RBMS3: variants seen among roughly 807,000 people sequenced by gnomAD.
The protein encoded by RBMS3 is RNA binding motif single stranded interacting protein 3.
A neutral mutation model predicts 66.8 loss-of-function variants in RBMS3; 27 were observed. The ratio of observed to expected loss-of-function variants is 0.40; its 90% CI spans 0.30 to 0.56. The LOEUF (loss-of-function observed/expected upper bound fraction) is 0.56. Among genes scored for constraint, RBMS3 ranks in the 20% least tolerant of loss-of-function variants. The pLI is 0.40. For synonymous variants in RBMS3, 188 were observed against 183.0 expected (o/e 1.03, Z -0.22); for missense variants, 513 against 549.5 (o/e 0.93, Z 0.66).
At chr3:29,987,986 C>G (rs1698546089) in intron 12 of RBMS3, 157 bp from the exon 13 acceptor site, 2 of 593,196 alleles carry the variant, frequency 3.4e-6, no homozygotes, top group Admixed American at 5.8e-5. Flanking sequence ...CCTTTCAATA[C>G]AGAGAGGAGC....
intron 1 of RBMS3, among the ~76,000 whole-genome samples, chr3:29,403,014 A>T (rs905389013): frequency 6.6e-6 from 1 of 152,030 alleles, no homozygotes; most frequent in Non-Finnish European, 1.5e-5. Flanking sequence ...CTGAAAAAAA[A>T]AAGTATAAGA....
chr3:29,712,800 C>T (rs192208720), intron 4 of RBMS3, among the ~76,000 whole-genome samples: 1 of 152,282 alleles, frequency 6.6e-6, no homozygotes, highest in African/African-American at 2.4e-5. Context: ...GTTCAAACTT[C>T]AGACTCTGAG....
At chr3:29,904,348 T>G (rs1470102603) in intron 10 of RBMS3, among the ~76,000 whole-genome samples, 1 of 151,994 alleles carries the variant, frequency 6.6e-6, no homozygotes, top group Admixed American at 6.6e-5. Flanking sequence ...TATATGCATA[T>G]GAAATTATAT....
intron 2 of RBMS3, among the ~76,000 whole-genome samples, chr3:29,437,712 C>G (rs1313042166): frequency 6.6e-6 from 1 of 152,186 alleles, no homozygotes; most frequent in East Asian, 1.9e-4. Context: ...CTTGGCTATG[C>G]TATCAACTGA....
intron 3 of RBMS3, among the ~76,000 whole-genome samples, chr3:29,515,115 G>C (rs1056424719): frequency 2.6e-5 from 4 of 152,140 alleles, no homozygotes; most frequent in African/African-American, 9.7e-5. Flanking sequence ...AAAGAATGAG[G>C]AAGTGGTCAA....
intron 3 of RBMS3, among the ~76,000 whole-genome samples, chr3:29,567,754 AT>A (rs945416337): frequency 3.1e-4 from 47 of 152,114 alleles, no homozygotes; most frequent in African/African-American, 5.5e-4. Flanking sequence ...TCTCTGTGCA[AT>A]TTTTGGTGTT....
At chr3:29,831,237 A>G (rs1288540366) in intron 6 of RBMS3, among the ~76,000 whole-genome samples, 10 of 152,164 alleles carry the variant, frequency 6.6e-5, no homozygotes, top group Admixed American at 2.0e-4. Flanking sequence ...ATGAATGAGT[A>G]TATTTGTTTG....
chr3:29,805,489 G>T (rs979173707), intron 6 of RBMS3, among the ~76,000 whole-genome samples: 1 of 152,036 alleles, frequency 6.6e-6, no homozygotes, highest in Non-Finnish European at 1.5e-5. Flanking sequence ...TATCATAGGA[G>T]ATGACAGCTC....
intron 6 of RBMS3, among the ~76,000 whole-genome samples, chr3:29,813,229 T>C (rs565302627): frequency 2.1e-4 from 32 of 152,210 alleles, no homozygotes; most frequent in Admixed American, 1.8e-3. Flanking sequence ...CAATATTTTA[T>C]GGGTCATCAT....
rs935718905 is a variant in RBMS3, at chr3:29,532,244, A to G, written c.307+43745A>G. ...AGTCTTATTTTAATTTCGCATATATATGTATATATATATATATGTATATAT... is the reference window on the plus strand; with the variant it reads ...AGTCTTATTTTAATTTCGCATATATGTGTATATATATATATATGTATATAT... On this transcript the variant is annotated intron_variant, in intron 3 of 14. Transcript: ENST00000383767. Among the ~76,000 whole-genome samples, 3 of 114,740 alleles carry G rather than the reference A, an allele frequency of 2.6e-5. No individual in the cohort carries two copies. In the Admixed American group the frequency reaches 2.9e-4, roughly 11 times the overall value. 75.3% of individuals were successfully genotyped at this position (114,740 alleles called of 152,430 possible). A position where few individuals can be genotyped will look rare whatever the true frequency, so the allele number is the denominator to read the frequency against.
chr3:29,557,601 A>G (rs1214670969), intron 3 of RBMS3, among the ~76,000 whole-genome samples: 2 of 152,218 alleles, frequency 1.3e-5, no homozygotes, highest in Non-Finnish European at 2.9e-5. Flanking sequence ...ACTGTTCAGG[A>G]TACTCACACA....
At chr3:29,557,820 A>G (rs1431297686) in intron 3 of RBMS3, among the ~76,000 whole-genome samples, 1 of 152,246 alleles carries the variant, frequency 6.6e-6, no homozygotes, top group African/African-American at 2.4e-5. Context: ...AAAGCCATCC[A>G]GTAGCAAAAA....
At chr3:29,504,510 G>A (rs1482406548) in intron 3 of RBMS3, among the ~76,000 whole-genome samples, 4 of 151,992 alleles carry the variant, frequency 2.6e-5, no homozygotes, top group African/African-American at 9.7e-5. Context: ...TCTGAAGGTA[G>A]ATTCCATTTC....
intron 3 of RBMS3, among the ~76,000 whole-genome samples, chr3:29,524,053 A>G (rs938446038): frequency 1.3e-5 from 2 of 151,848 alleles, no homozygotes; most frequent in African/African-American, 4.8e-5. Flanking sequence ...TCTCTTTTAA[A>G]TGCCCAGTAC....
At chr3:29,569,084 A>C (rs2046844833) in intron 3 of RBMS3, among the ~76,000 whole-genome samples, 2 of 152,138 alleles carry the variant, frequency 1.3e-5, no homozygotes, top group South Asian at 4.1e-4. Context: ...GCTTTTCCAC[A>C]GCTCACATCT....
chr3:29,915,565 CA>C (rs1348193440), intron 10 of RBMS3, among the ~76,000 whole-genome samples: 1 of 151,916 alleles, frequency 6.6e-6, no homozygotes, highest in Non-Finnish European at 1.5e-5. Flanking sequence ...TATCTCCAGA[CA>C]AATGTTTACA....
intron 6 of RBMS3, among the ~76,000 whole-genome samples, chr3:29,857,933 T>C (rs1408111547): frequency 1.3e-5 from 2 of 152,188 alleles, no homozygotes; most frequent in Non-Finnish European, 2.9e-5. Context: ...TACATCATAA[T>C]TATGCCACAA....
At chr3:29,956,485 T>C (rs563261797) in intron 12 of RBMS3, among the ~76,000 whole-genome samples, 1 of 152,236 alleles carries the variant, frequency 6.6e-6, no homozygotes, top group South Asian at 2.1e-4. Context: ...TCCCTTGTGG[T>C]ATTAAAGCTC....
intron 4 of RBMS3, among the ~76,000 whole-genome samples, chr3:29,647,365 A>G (rs1347686810): frequency 6.6e-6 from 1 of 152,182 alleles, no homozygotes; most frequent in Non-Finnish European, 1.5e-5. Flanking sequence ...CTTTGTGGAT[A>G]CTGCTGCCTG....
Sources: allele counts gnomAD v4.1 joint callset (sites outside exome capture counted in the v4.1 genomes callset), GRCh38; gene constraint gnomAD v4.1.1; transcripts MANE v1.5; gene names NCBI Gene and HGNC (gene_info 2026-07-23, HGNC 2026-07-21).